PTPRD: variants seen among roughly 807,000 people sequenced by gnomAD.
PTPRD encodes protein tyrosine phosphatase receptor type D.
Under a neutral mutation model 214.5 loss-of-function variants are expected in PTPRD, and 34 were observed. That is an observed-to-expected ratio of 0.16 (90% confidence interval 0.12 to 0.21). The LOEUF (loss-of-function observed/expected upper bound fraction) is 0.21. PTPRD is among the 10% of genes least tolerant of loss of function. The pLI is 1.00. For missense variants in PTPRD, 2,545 were observed against 2,398.7 expected (o/e 1.06, Z -1.27); for synonymous variants, 1,128 against 845.7 (o/e 1.33, Z -5.79).
At chr9:10,252,133 A>C (rs1369362504) in intron 3 of PTPRD, among the ~76,000 whole-genome samples, 2 of 152,114 alleles carry the variant, frequency 1.3e-5, no homozygotes, top group Non-Finnish European at 2.9e-5. Flanking sequence ...TAAGAATAAA[A>C]ATAATTTTTT....
intron 12 of PTPRD, among the ~76,000 whole-genome samples, chr9:8,725,621 T>C (rs142172781): frequency 1.3e-5 from 2 of 152,318 alleles, no homozygotes; most frequent in African/African-American, 2.4e-5. Context: ...AAAAAAGGCA[T>C]AATAGCAACT....
At chr9:10,257,236 A>C (rs1380201683) in intron 3 of PTPRD, among the ~76,000 whole-genome samples, 1 of 152,218 alleles carries the variant, frequency 6.6e-6, no homozygotes, top group African/African-American at 2.4e-5. Context: ...ACAAGGAGAA[A>C]AGGTTGCCTA....
intron 5 of PTPRD, among the ~76,000 whole-genome samples, chr9:9,829,193 T>C (rs535849735): frequency 2.6e-5 from 4 of 151,998 alleles, no homozygotes; most frequent in Admixed American, 6.6e-5. Flanking sequence ...TTCAAATTGG[T>C]GTTGACATAT....
chr9:8,342,003 G>C (rs943156133), intron 39 of PTPRD, 25 bp from the exon 40 acceptor site: 2 of 1,564,452 alleles, frequency 1.3e-6, no homozygotes, highest in Non-Finnish European at 1.7e-6. Flanking sequence ...GAGAAGAAAA[G>C]CCCAAATAAA....
intron 3 of PTPRD, among the ~76,000 whole-genome samples, chr9:10,199,175 T>C (rs949647857): frequency 1.3e-5 from 2 of 152,058 alleles, no homozygotes; most frequent in African/African-American, 4.8e-5. Context: ...AACTGATTCT[T>C]ATTTATTTTA....
intron 5 of PTPRD, among the ~76,000 whole-genome samples, chr9:9,846,575 T>G (rs1253278691): frequency 6.6e-6 from 1 of 152,170 alleles, no homozygotes; most frequent in East Asian, 1.9e-4. Context: ...CAAAACATGG[T>G]GTACATAAAG....
intron 9 of PTPRD, 126 bp from the exon 10 acceptor site, chr9:9,183,489 A>G (rs1303952406): frequency 2.0e-5 from 3 of 152,082 alleles, no homozygotes; most frequent in East Asian, 3.9e-4. Flanking sequence ...AAAGTAAGCT[A>G]GTTAATGAGA....
intron 12 of PTPRD, among the ~76,000 whole-genome samples, chr9:8,691,035 T>C (rs1216145271): frequency 6.6e-6 from 1 of 152,112 alleles, no homozygotes; most frequent in South Asian, 2.1e-4. Flanking sequence ...AAATTATCTT[T>C]CTCTCCTAAG....
At chr9:10,154,506 C>T (rs1043277946) in intron 3 of PTPRD, among the ~76,000 whole-genome samples, 1 of 152,114 alleles carries the variant, frequency 6.6e-6, no homozygotes, top group Non-Finnish European at 1.5e-5. Context: ...GTTGCAGTTG[C>T]TTTTGATGCT....
chr9:9,358,746 C>G (rs1351211253), intron 9 of PTPRD, among the ~76,000 whole-genome samples: 1 of 151,308 alleles, frequency 6.6e-6, no homozygotes, highest in Non-Finnish European at 1.5e-5. Flanking sequence ...GCGCCTGAAT[C>G]AGATTCAGTC....
chr9:9,020,773 C>T (rs1301403014), intron 10 of PTPRD, among the ~76,000 whole-genome samples: 1 of 152,066 alleles, frequency 6.6e-6, no homozygotes, highest in Non-Finnish European at 1.5e-5. Context: ...CAGCATATAT[C>T]TAAGAGAGTG....
intron 11 of PTPRD, among the ~76,000 whole-genome samples, chr9:9,001,434 C>G (rs2099417920): frequency 6.6e-6 from 1 of 151,968 alleles, no homozygotes; most frequent in Non-Finnish European, 1.5e-5. Context: ...ATTTAGGACC[C>G]CAACATAGCT....
At chr9:10,310,681 G>A (rs1387070365) in intron 3 of PTPRD, among the ~76,000 whole-genome samples, 1 of 152,082 alleles carries the variant, frequency 6.6e-6, no homozygotes, top group Non-Finnish European at 1.5e-5. Flanking sequence ...AAAGCTTTTG[G>A]CTGAAACTCT....
chr9:8,590,854 A>C (rs1180361785), intron 14 of PTPRD, among the ~76,000 whole-genome samples: 1 of 152,174 alleles, frequency 6.6e-6, no homozygotes, highest in African/African-American at 2.4e-5. Context: ...GATGGCTTAA[A>C]ACAAAAACAT....
At chr9:9,882,586 T>G (rs911000525) in intron 5 of PTPRD, among the ~76,000 whole-genome samples, 1 of 152,188 alleles carries the variant, frequency 6.6e-6, no homozygotes, top group African/African-American at 2.4e-5. Flanking sequence ...AGGTTTTTCT[T>G]GGTGTTATTT....
At chr9:8,471,253 A>T (rs935488105) in intron 30 of PTPRD, among the ~76,000 whole-genome samples, 168 bp from the exon 31 acceptor site, 1 of 152,116 alleles carries the variant, frequency 6.6e-6, no homozygotes, top group African/African-American at 2.4e-5. Flanking sequence ...TTCAATTTTA[A>T]AAACAACACG....
At chr9:10,410,270 T>TATATATAC (rs532202941) in intron 2 of PTPRD, among the ~76,000 whole-genome samples, 120 of 139,844 alleles carry the variant, frequency 8.6e-4, no homozygotes, top group Middle Eastern at 3.8e-3. Flanking sequence ...TATATATATA[T>TATATATAC]ACACACACAC....
In PTPRD at chr9:9,195,107, T is replaced by TATATATATATATATATATATAC. The variant is rs58832794; in HGVS notation, c.-202-11745_-202-11744insGTATATATATATATATATATAT. The stretch of plus-strand genomic sequence containing the variant: ...TTGTGTATATATATATATATATATA[T>TATATATATATATATATATATAC]ACACACACACACATATACATACATA... On this transcript the variant is annotated intron_variant, in intron 9 of 45. Coordinates refer to ENST00000381196, the MANE Select transcript of PTPRD (RefSeq NM_002839.4). 5.2e-4 allele frequency among the ~76,000 whole-genome samples: 73 copies of TATATATATATATATATATATAC among 141,146 alleles called. 1 individual carries two copies. The highest frequency in any genetic ancestry group is 1.8e-3 in the African/African-American group (71 of 38,492). The allele number at this position is 141,146 out of a possible 152,430, so 92.6% of individuals were successfully genotyped here.
At chr9:10,279,288 A>C (rs1251069127) in intron 3 of PTPRD, among the ~76,000 whole-genome samples, 1 of 152,200 alleles carries the variant, frequency 6.6e-6, no homozygotes, top group East Asian at 1.9e-4. Context: ...AAAAAATCAG[A>C]TATCACCTTC....
Sources: allele counts gnomAD v4.1 joint callset (sites outside exome capture counted in the v4.1 genomes callset), GRCh38; gene constraint gnomAD v4.1.1; transcripts MANE v1.5; gene names NCBI Gene and HGNC (gene_info 2026-07-23, HGNC 2026-07-21).